Variants in EGFLAM observed in about 807,000 individuals in gnomAD.
The protein encoded by EGFLAM is EGF like, fibronectin type III and laminin G domains, also known as pikachurin.
A neutral mutation model predicts 113.1 loss-of-function variants in EGFLAM; 79 were observed. The ratio of observed to expected loss-of-function variants is 0.70; its 90% confidence interval spans 0.58 to 0.84. EGFLAM has a LOEUF of 0.84. Ranked by LOEUF, EGFLAM falls within the 40% of genes least tolerant of loss-of-function variation. The pLI is 0.00. For missense variants in EGFLAM, 1,265 were observed against 1,291.6 expected (o/e 0.98, Z 0.32); for synonymous variants, 504 against 487.6 (o/e 1.03, Z -0.44).
chr5:38,337,874 A>C (rs1000211303), intron 2 of EGFLAM, among the ~76,000 whole-genome samples: 1 of 152,162 alleles, frequency 6.6e-6, no homozygotes, highest in African/African-American at 2.4e-5. Context: ...GGAAAATATA[A>C]ACTAAAAGGA....
chr5:38,262,392 T>C (rs1320580824), intron 1 of EGFLAM, among the ~76,000 whole-genome samples: 3 of 152,348 alleles, frequency 2.0e-5, no homozygotes, highest in South Asian at 2.1e-4. Flanking sequence ...ATAAATTTCA[T>C]CAAGTCTACA....
intron 10 of EGFLAM, 135 bp from the exon 11 acceptor site, chr5:38,412,369 T>C (rs1258629027): frequency 4.6e-6 from 6 of 1,318,204 alleles, no homozygotes; most frequent in Non-Finnish European, 6.3e-6. Flanking sequence ...TCAACAGCAC[T>C]TGATATTCAT....
chr5:38,395,369 C>G (rs766861065), intron 6 of EGFLAM, among the ~76,000 whole-genome samples: 18 of 151,890 alleles, frequency 1.2e-4, no homozygotes, highest in Non-Finnish European at 4.4e-5. Context: ...TCAGCTCCCC[C>G]ACCAAGTAGC....
intron 1 of EGFLAM, among the ~76,000 whole-genome samples, chr5:38,295,133 C>T (rs1758423551): frequency 6.6e-6 from 1 of 152,190 alleles, no homozygotes; most frequent in South Asian, 2.1e-4. Flanking sequence ...GGCCGCAACT[C>T]ATTCTTAAAC....
At chr5:38,274,782 G>C (rs1017180348) in intron 1 of EGFLAM, among the ~76,000 whole-genome samples, 1 of 152,146 alleles carries the variant, frequency 6.6e-6, no homozygotes, top group Non-Finnish European at 1.5e-5. Flanking sequence ...AATGGTAAAA[G>C]TAAGTACACA....
intron 1 of EGFLAM, among the ~76,000 whole-genome samples, chr5:38,260,446 A>G (rs1757472003): frequency 1.3e-5 from 2 of 152,194 alleles, no homozygotes; most frequent in African/African-American, 4.8e-5. Context: ...GTGGGTCATC[A>G]TATTTTCCTT....
At chr5:38,351,623 T>C (rs1228322519) in intron 4 of EGFLAM, among the ~76,000 whole-genome samples, 1 of 152,116 alleles carries the variant, frequency 6.6e-6, no homozygotes, top group Non-Finnish European at 1.5e-5. Flanking sequence ...CTGGAGGTGA[T>C]CAGAAACAGC....
At position 38,409,048 on chromosome 5, in the gene EGFLAM, A is replaced by G. The variant is rs1384988189; in HGVS notation, c.1293A>G (p.Glu431=). The change falls in exon 10 of 22, where the codon GAA becomes GAG. Residue 431 remains glutamate, a synonymous_variant. Transcript: ENST00000322350. ...TACTGCTCTACTGTGGGGAGAACGA[A>G]CACGGGAGGGGGGATTTCATGTCCC... ...DGLLLYCGEN[E]HGRGDFMSLA... is the part of the protein sequence containing the mutation. The G allele has an allele frequency of 6.3e-7, 1 of 1,595,616 alleles. No individual in the cohort carries two copies. The highest frequency in any genetic ancestry group is 1.3e-5 in the African/African-American group (1 of 74,710).
At chr5:38,309,261 T>C (rs1758803916) in intron 1 of EGFLAM, among the ~76,000 whole-genome samples, 1 of 152,202 alleles carries the variant, frequency 6.6e-6, no homozygotes, top group South Asian at 2.1e-4. Flanking sequence ...ACTACAATGG[T>C]AACTTAAAAT....
intron 6 of EGFLAM, among the ~76,000 whole-genome samples, chr5:38,384,292 T>C (rs888574434): frequency 3.9e-5 from 6 of 152,144 alleles, no homozygotes; most frequent in African/African-American, 1.4e-4. Context: ...CACCACCAGA[T>C]TATGTGACTC....
intron 1 of EGFLAM, among the ~76,000 whole-genome samples, chr5:38,300,935 G>T (rs1431120987): frequency 1.3e-5 from 2 of 152,178 alleles, no homozygotes; most frequent in East Asian, 1.9e-4. Flanking sequence ...GAGATTTTTA[G>T]CCTGAGCAAC....
At chr5:38,394,577 T>C (rs1740905403) in intron 6 of EGFLAM, among the ~76,000 whole-genome samples, 1 of 151,702 alleles carries the variant, frequency 6.6e-6, no homozygotes, top group Non-Finnish European at 1.5e-5. Flanking sequence ...GCCCGGCTAA[T>C]TTTTTGTATT....
intron 1 of EGFLAM, among the ~76,000 whole-genome samples, chr5:38,272,883 A>G (rs1192350331): frequency 6.6e-6 from 1 of 152,178 alleles, no homozygotes; most frequent in East Asian, 1.9e-4. Context: ...TACATGTACC[A>G]ATGTCTGAAA....
At chr5:38,376,966 G>A (rs1003996928) in intron 6 of EGFLAM, among the ~76,000 whole-genome samples, 5 of 151,452 alleles carry the variant, frequency 3.3e-5, no homozygotes, top group Non-Finnish European at 7.4e-5. Flanking sequence ...CACTGTGCTC[G>A]ACCCCAGGCT....
At chr5:38,264,061 A>G (rs1336101173) in intron 1 of EGFLAM, among the ~76,000 whole-genome samples, 2 of 152,180 alleles carry the variant, frequency 1.3e-5, no homozygotes, top group African/African-American at 4.8e-5. Flanking sequence ...CAGCCGTGGC[A>G]TGTCTGGGAA....
chr5:38,457,765 TTAG>T (rs776699879), intron 19 of EGFLAM, among the ~76,000 whole-genome samples: 5 of 152,184 alleles, frequency 3.3e-5, no homozygotes, highest in Non-Finnish European at 5.9e-5. Flanking sequence ...TCCTGATACT[TTAG>T]TACTGATGTT....
At chr5:38,397,857 G>A (rs2112103308) in intron 6 of EGFLAM, among the ~76,000 whole-genome samples, 1 of 152,338 alleles carries the variant, frequency 6.6e-6, no homozygotes, top group South Asian at 2.1e-4. Context: ...AGCAGAAGCA[G>A]GTGAGAGAGG....
At chr5:38,287,003 A>G (rs139597000) in intron 1 of EGFLAM, among the ~76,000 whole-genome samples, 40 of 152,378 alleles carry the variant, frequency 2.6e-4, no homozygotes, top group African/African-American at 8.2e-4. Context: ...AAGAGGGCCT[A>G]TGAGGGCAAT....
chr5:38,398,113 T>C (rs1292458178), intron 6 of EGFLAM, among the ~76,000 whole-genome samples: 1 of 152,112 alleles, frequency 6.6e-6, no homozygotes, highest in Non-Finnish European at 1.5e-5. Flanking sequence ...TGGGTGTGGA[T>C]TGTTTTCCAG....
Sources: gnomAD v4.1 joint callset for allele counts (sites outside exome capture counted in the v4.1 genomes callset) on GRCh38, gnomAD v4.1.1 for gene constraint, MANE v1.5 for transcripts, NCBI Gene and HGNC (gene_info 2026-07-23, HGNC 2026-07-21) for gene names.